Variants in SRD5A2 observed in about 807,000 individuals in gnomAD.
The protein encoded by SRD5A2 is steroid 5 alpha-reductase 2.
SRD5A2 carries 30 observed loss-of-function variants against 27.4 expected under a neutral mutation model. That is an observed-to-expected ratio of 1.10 (90% CI 0.82 to 1.49). The LOEUF is 1.49. SRD5A2 is among the 40% of genes most tolerant of loss of function. The pLI is 0.00. For synonymous variants in SRD5A2, 141 were observed against 133.6 expected, an observed-to-expected ratio of 1.06 and a Z score of -0.38; for missense variants, 348 against 323.4, an observed-to-expected ratio of 1.08 and a Z score of -0.58.
the SRD5A2 span, among the ~76,000 whole-genome samples, chr2:31,600,770 C>T: frequency 6.6e-6 from 1 of 151,196 alleles, no homozygotes; most frequent in Admixed American, 6.6e-5. Context: ...AAGAAATCTA[C>T]AAGCCAATAT....
the SRD5A2 span, among the ~76,000 whole-genome samples, chr2:31,638,843 T>C: frequency 1.3e-5 from 2 of 151,992 alleles, no homozygotes; most frequent in Admixed American, 6.6e-5. Flanking sequence ...AGTATATAAT[T>C]GGGTCTTGCT....
chr2:31,557,452 T>G (rs1272591196), intron 1 of SRD5A2, among the ~76,000 whole-genome samples: 2 of 152,246 alleles, frequency 1.3e-5, no homozygotes, highest in African/African-American at 4.8e-5. Flanking sequence ...AGTAAAAGGC[T>G]TAACTCAGTA....
At chr2:31,604,101 C>T in the SRD5A2 span, among the ~76,000 whole-genome samples, 539 of 151,714 alleles carry the variant, frequency 3.6e-3, 1 homozygote, top group African/African-American at 0.012. Flanking sequence ...AATAAAATTG[C>T]TCAAAAACTG....
chr2:31,608,507 C>G, the SRD5A2 span, among the ~76,000 whole-genome samples: 4 of 151,722 alleles, frequency 2.6e-5, no homozygotes, highest in South Asian at 8.3e-4. Context: ...TTTCAGATGG[C>G]ATGATTATGA....
At chr2:31,611,652 T>A in the SRD5A2 span, among the ~76,000 whole-genome samples, 1 of 152,198 alleles carries the variant, frequency 6.6e-6, no homozygotes, top group South Asian at 2.1e-4. Context: ...CTAGCAGGAT[T>A]AAAATGATAA....
chr2:31,545,331 A>G (rs1197676830), intron 1 of SRD5A2, among the ~76,000 whole-genome samples: 1 of 152,126 alleles, frequency 6.6e-6, no homozygotes, highest in Non-Finnish European at 1.5e-5. Context: ...TTTTTAAACA[A>G]AATACTAGCA....
intron 1 of SRD5A2, among the ~76,000 whole-genome samples, chr2:31,570,504 T>C (rs1033572102): frequency 6.6e-6 from 1 of 152,080 alleles, no homozygotes; most frequent in African/African-American, 2.4e-5. Flanking sequence ...CTTTTCAACA[T>C]AGTACTGGAA....
At chr2:31,640,603 C>T in the SRD5A2 span, among the ~76,000 whole-genome samples, 10 of 152,066 alleles carry the variant, frequency 6.6e-5, no homozygotes, top group African/African-American at 2.4e-4. Context: ...ATTGCCTGTT[C>T]CAAATAGGGG....
chr2:31,529,376 G>T lies in SRD5A2; in HGVS notation c.629C>A (p.Ser210Tyr). Residue 210 changes from serine (S) to tyrosine (Y), a missense_variant, in exon 4 of 5, where the codon TCC becomes TAC. By Grantham distance (144) the Ser-to-Tyr change is moderately radical. Coordinates refer to ENST00000622030, the MANE Select transcript of SRD5A2 (RefSeq NM_000348.4). ...EWIGYALATW[S>Y]LPALAFAFFS... is the part of the protein sequence containing the mutation. ...AAATGCAAATGCAAGTGCTGGGAGG[G>T]ACCAAGTGGCCAGGGCATAGCCGAT... is the stretch of plus-strand genomic sequence containing the variant. 1.9e-6 allele frequency: 3 copies of T among 1,613,978 alleles called. No individual in the cohort carries two copies. The highest frequency in any genetic ancestry group is 2.5e-6 in the Non-Finnish European group (3 of 1,179,858).
At chr2:31,640,557 C>T in the SRD5A2 span, among the ~76,000 whole-genome samples, 2 of 152,148 alleles carry the variant, frequency 1.3e-5, no homozygotes, top group African/African-American at 2.4e-5. Context: ...GTTCCTTAAG[C>T]TCACATTTGC....
chr2:31,595,293 T>C, the SRD5A2 span, among the ~76,000 whole-genome samples: 350 of 152,080 alleles, frequency 2.3e-3, 1 homozygote, highest in Middle Eastern at 0.027. Flanking sequence ...ATAAACAAAA[T>C]TGATAGACCA....
the SRD5A2 span, among the ~76,000 whole-genome samples, chr2:31,641,171 A>G: frequency 2.6e-5 from 4 of 152,256 alleles, no homozygotes; most frequent in African/African-American, 7.2e-5. Context: ...AGCAAAGCCA[A>G]CTTATCTCAC....
At chr2:31,593,740 T>C in the SRD5A2 span, among the ~76,000 whole-genome samples, 11 of 152,124 alleles carry the variant, frequency 7.2e-5, no homozygotes, top group African/African-American at 2.7e-4. Flanking sequence ...CCAAGGAACA[T>C]AGCCACCACG....
chr2:31,586,446 C>T, the SRD5A2 span, among the ~76,000 whole-genome samples: 2 of 152,132 alleles, frequency 1.3e-5, no homozygotes, highest in African/African-American at 4.8e-5. Context: ...GCAGGGAAGA[C>T]CCAGTGTTGT....
intron 1 of SRD5A2, among the ~76,000 whole-genome samples, 194 bp downstream of exon 1, chr2:31,580,426 G>A (rs1002902951): frequency 6.6e-6 from 1 of 152,162 alleles, no homozygotes; most frequent in African/African-American, 2.4e-5. Flanking sequence ...TGCCGCAGCC[G>A]CTTGTCAACT....
At chr2:31,620,032 G>T in the SRD5A2 span, among the ~76,000 whole-genome samples, 1 of 152,004 alleles carries the variant, frequency 6.6e-6, no homozygotes, top group African/African-American at 2.4e-5. Context: ...TGTCCTGAAT[G>T]GTATCGCTTA....
At chr2:31,554,860 T>C (rs536386582) in intron 1 of SRD5A2, among the ~76,000 whole-genome samples, 2 of 152,140 alleles carry the variant, frequency 1.3e-5, no homozygotes, top group African/African-American at 4.8e-5. Context: ...TGTGTTCATG[T>C]AGGCTTATTC....
In SRD5A2 at chr2:31,525,810, TA is replaced by T. The variant is rs763120667; in HGVS notation, c.*385del. On this transcript the variant is annotated 3_prime_UTR_variant, in exon 5 of 5. Transcript: ENST00000622030. ...GCATACCTTTAATAAGGTCTATAAGTACTGCCTTCAAGTCAAAAAATTCTTG... is the reference window on the plus strand; with the variant it reads ...GCATACCTTTAATAAGGTCTATAAGTCTGCCTTCAAGTCAAAAAATTCTTG... The T allele has an allele frequency of 7.2e-5, 18 of 249,118 alleles. No homozygotes were observed. The highest frequency in any genetic ancestry group is 1.4e-4 in the Non-Finnish European group (18 of 127,336). The allele number at this position is 249,118 out of a possible 1,614,324, so 15.4% of individuals were successfully genotyped here. A position where few individuals can be genotyped will look rare whatever the true frequency, so the allele number is the denominator to read the frequency against.
chr2:31,589,152 A>C, the SRD5A2 span, among the ~76,000 whole-genome samples: 9 of 152,180 alleles, frequency 5.9e-5, no homozygotes, highest in African/African-American at 2.2e-4. Flanking sequence ...CCCAGAGCTG[A>C]AACAGATTTA....
Sources: gnomAD v4.1 joint callset for allele counts (sites outside exome capture counted in the v4.1 genomes callset) on GRCh38, gnomAD v4.1.1 for gene constraint, MANE v1.5 for transcripts, NCBI Gene and HGNC (gene_info 2026-07-23, HGNC 2026-07-21) for gene names.